RB1: variants seen among roughly 807,000 people sequenced by gnomAD.
RB1 encodes the protein RB transcriptional corepressor 1.
In RB1, 18 loss-of-function variants were observed where a neutral mutation model predicts 135.4. The observed-to-expected ratio is 0.13, with a 90% CI of 0.09 to 0.20. The LOEUF (loss-of-function observed/expected upper bound fraction) is 0.20. Ranked by LOEUF, RB1 falls within the 10% of genes least tolerant of loss-of-function variation. The pLI is 1.00. For missense variants in RB1, 868 were observed against 1,110.0 expected (o/e 0.78, Z 3.10); for synonymous variants, 365 against 373.2 (o/e 0.98, Z 0.25).
At chr13:48,314,906 G>A (rs751107365) in intron 2 of RB1, among the ~76,000 whole-genome samples, 1 of 152,028 alleles carries the variant, frequency 6.6e-6, no homozygotes, top group African/African-American at 2.4e-5. Context: ...CTATGTATTT[G>A]CTACTTCGTA....
chr13:48,408,368 G>A (rs1197509251), intron 17 of RB1, among the ~76,000 whole-genome samples: 1 of 151,916 alleles, frequency 6.6e-6, no homozygotes, highest in Non-Finnish European at 1.5e-5. Context: ...ATGCTGGAAA[G>A]CCATTTTTCC....
chr13:48,389,229 C>T (rs1380598164), intron 17 of RB1, among the ~76,000 whole-genome samples: 1 of 151,700 alleles, frequency 6.6e-6, no homozygotes, highest in Non-Finnish European at 1.5e-5. Context: ...GAGAACATTA[C>T]AAAGTCTGAG....
intron 5 of RB1, among the ~76,000 whole-genome samples, chr13:48,348,713 T>C (rs971139365): frequency 6.6e-6 from 1 of 151,264 alleles, no homozygotes; most frequent in African/African-American, 2.4e-5. Context: ...TGGTCAAGAA[T>C]GTATACTATT....
At chr13:48,466,672 A>C (rs1330232189) in intron 23 of RB1, among the ~76,000 whole-genome samples, 2 of 132,440 alleles carry the variant, frequency 1.5e-5, no homozygotes, top group Non-Finnish European at 3.3e-5. Context: ...AAAATTTAGA[A>C]GAATATATAA....
intron 8 of RB1, among the ~76,000 whole-genome samples, chr13:48,364,374 C>A (rs911382853): frequency 6.6e-6 from 1 of 152,110 alleles, no homozygotes; most frequent in Non-Finnish European, 1.5e-5. Context: ...CTGTTTCAGG[C>A]GGACGATTTT....
At chr13:48,455,947 T>C (rs1016182452) in intron 18 of RB1, among the ~76,000 whole-genome samples, 2 of 152,230 alleles carry the variant, frequency 1.3e-5, no homozygotes, top group Non-Finnish European at 2.9e-5. Flanking sequence ...ATTAAAATTG[T>C]ACATTATACA....
chr13:48,313,745 C>CTT (rs56131979), intron 2 of RB1, among the ~76,000 whole-genome samples: 75,448 of 102,022 alleles, frequency 0.74, 31,031 homozygotes, highest in Non-Finnish European at 0.88. Flanking sequence ...TATGTTTATT[C>CTT]TTTTTTTTTT....
chr13:48,412,510 C>T, intron 17 of RB1: 2 of 861,458 alleles, frequency 2.3e-6, no homozygotes, highest in Non-Finnish European at 4.0e-6. Flanking sequence ...TCTATAACCT[C>T]CAATTTATTT....
chr13:48,425,264 T>A (rs577402644), intron 17 of RB1, among the ~76,000 whole-genome samples: 1 of 152,168 alleles, frequency 6.6e-6, no homozygotes, highest in Non-Finnish European at 1.5e-5. Flanking sequence ...GGTAATAATG[T>A]CCCATTAATA....
At chr13:48,454,366 C>G (rs984078943) in intron 18 of RB1, among the ~76,000 whole-genome samples, 5 of 152,130 alleles carry the variant, frequency 3.3e-5, no homozygotes, top group African/African-American at 1.2e-4. Flanking sequence ...TAACTTGTAC[C>G]CAAAGTGTTT....
intron 16 of RB1, among the ~76,000 whole-genome samples, chr13:48,380,528 A>C (rs1245988953): frequency 6.6e-6 from 1 of 152,190 alleles, no homozygotes; most frequent in African/African-American, 2.4e-5. Flanking sequence ...AAGACCTTTG[A>C]GATTGTAGAG....
intron 2 of RB1, among the ~76,000 whole-genome samples, chr13:48,324,498 A>T (rs1476628260): frequency 6.8e-6 from 1 of 147,986 alleles, no homozygotes; most frequent in Non-Finnish European, 1.5e-5. Context: ...TGCCTGGCTT[A>T]TTTCACTTAA....
At position 48,391,839 on chromosome 13, in the gene RB1, G is replaced by A. The variant is rs573784460; in HGVS notation, c.1695+10396G>A. 2.4e-4 allele frequency among the ~76,000 whole-genome samples: 36 copies of A among 152,004 alleles called. 2 individuals are homozygous for A. The highest frequency in any genetic ancestry group is 8.4e-4 in the African/African-American group (35 of 41,452). On this transcript the variant is annotated intron_variant, in intron 17 of 26. Transcript: ENST00000267163. ...TCACCATGTTGATCAGGCTGGTCTC[G>A]AACTCCTGACCTCGTGATTTGCCTG...
intron 17 of RB1, among the ~76,000 whole-genome samples, chr13:48,413,349 AGTT>A (rs1435623414): frequency 6.6e-6 from 1 of 152,126 alleles, no homozygotes; most frequent in Non-Finnish European, 1.5e-5. Flanking sequence ...AACCTCTCAG[AGTT>A]GTTTTGATTT....
chr13:48,466,618 G>A (rs1427550103), intron 23 of RB1, among the ~76,000 whole-genome samples: 1 of 149,908 alleles, frequency 6.7e-6, no homozygotes, highest in African/African-American at 2.4e-5. Context: ...CTGAGCTACG[G>A]GAGGACATTC....
At chr13:48,444,722 A>G (rs908594641) in intron 17 of RB1, 10 of 152,140 alleles carry the variant, frequency 6.6e-5, no homozygotes, top group African/African-American at 2.4e-4. Context: ...TGATGTCAGC[A>G]TTGGGATTTT....
At chr13:48,466,824 T>A (rs1949448690) in intron 23 of RB1, among the ~76,000 whole-genome samples, 1 of 51,656 alleles carries the variant, frequency 1.9e-5, no homozygotes, top group Non-Finnish European at 4.7e-5. Flanking sequence ...GAAGATGAAA[T>A]GAATGAAATG....
chr13:48,458,721 G>A (rs768527855), intron 19 of RB1, among the ~76,000 whole-genome samples: 1 of 152,194 alleles, frequency 6.6e-6, no homozygotes. Context: ...CATGCAAGTC[G>A]TTGAAAGAGA....
At chr13:48,347,230 C>T (rs555499817) in intron 4 of RB1, among the ~76,000 whole-genome samples, 5 of 152,002 alleles carry the variant, frequency 3.3e-5, no homozygotes, top group Admixed American at 2.6e-4. Context: ...AGGCAATGTC[C>T]GAATAGGGTT....
Sources: gnomAD v4.1 joint callset for allele counts (sites outside exome capture counted in the v4.1 genomes callset) on GRCh38, gnomAD v4.1.1 for gene constraint, MANE v1.5 for transcripts, NCBI Gene and HGNC (gene_info 2026-07-23, HGNC 2026-07-21) for gene names.